KCNMB2: variants seen among roughly 807,000 people sequenced by gnomAD.
KCNMB2 encodes the protein calcium-activated potassium channel subunit beta-2.
In KCNMB2, 9 loss-of-function variants were observed where a neutral mutation model predicts 24.5. The ratio of observed to expected loss-of-function variants is 0.37; its 90% CI spans 0.22 to 0.64. The LOEUF is 0.64. Ranked by LOEUF, KCNMB2 falls within the 30% of genes least tolerant of loss-of-function variation. The pLI, the probability that KCNMB2 is intolerant of heterozygous loss-of-function variation, is 0.63. For synonymous variants in KCNMB2, 109 were observed against 104.4 expected (o/e 1.04, Z -0.27); for missense variants, 226 against 284.3 (o/e 0.79, Z 1.47).
chr3:178,629,009 T>A (rs1229773179), intron 1 of KCNMB2, among the ~76,000 whole-genome samples: 1 of 152,094 alleles, frequency 6.6e-6, no homozygotes, highest in Admixed American at 6.6e-5. Context: ...CTGAAGCAAA[T>A]TTAACTACTC....
chr3:178,713,955 T>C (rs1222300125), intron 1 of KCNMB2, among the ~76,000 whole-genome samples: 2 of 152,226 alleles, frequency 1.3e-5, no homozygotes, highest in Non-Finnish European at 2.9e-5. Flanking sequence ...AGTCTGCTCA[T>C]GTTTTTAAGA....
intron 2 of KCNMB2, among the ~76,000 whole-genome samples, chr3:178,817,925 T>C (rs1714472322): frequency 1.3e-5 from 2 of 152,228 alleles, no homozygotes; most frequent in South Asian, 2.1e-4. Context: ...ATGTGGTCTG[T>C]CTTTAACTCT....
chr3:178,778,455 GACACAC>G (rs71628070), intron 1 of KCNMB2, among the ~76,000 whole-genome samples: 15,329 of 127,210 alleles, frequency 0.12, 948 homozygotes, highest in Middle Eastern at 0.17. Flanking sequence ...TACCCTTTAA[GACACAC>G]ACACACACAC....
chr3:178,736,179 A>G (rs1436539001), intron 1 of KCNMB2, among the ~76,000 whole-genome samples: 2 of 152,180 alleles, frequency 1.3e-5, no homozygotes, highest in Non-Finnish European at 2.9e-5. Flanking sequence ...TTTACTTGAA[A>G]CTAGTATTTC....
chr3:178,784,967 T>C (rs1189519697), intron 1 of KCNMB2, among the ~76,000 whole-genome samples: 2 of 151,606 alleles, frequency 1.3e-5, no homozygotes, highest in African/African-American at 4.8e-5. Flanking sequence ...TGACAAATGC[T>C]AATATTCAAT....
chr3:178,737,824 G>T (rs6775409), intron 1 of KCNMB2, among the ~76,000 whole-genome samples: 4,199 of 152,268 alleles, frequency 0.028, 198 homozygotes, highest in African/African-American at 0.095. Context: ...GATTTGATTA[G>T]AACTTTTCTA....
chr3:178,675,472 C>G (rs1721040005), intron 1 of KCNMB2, among the ~76,000 whole-genome samples: 1 of 152,158 alleles, frequency 6.6e-6, no homozygotes, highest in African/African-American at 2.4e-5. Flanking sequence ...AGTGTCAGAA[C>G]TGCTGACACA....
At chr3:178,642,688 G>A (rs115377411) in intron 1 of KCNMB2, among the ~76,000 whole-genome samples, 48 of 152,304 alleles carry the variant, frequency 3.2e-4, no homozygotes, top group African/African-American at 1.2e-3. Context: ...TTGCTGGGGT[G>A]AAAATCTTGC....
intron 1 of KCNMB2, among the ~76,000 whole-genome samples, chr3:178,639,435 A>C (rs9847348): frequency 6.6e-6 from 1 of 152,074 alleles, no homozygotes; most frequent in Non-Finnish European, 1.5e-5. Context: ...GACAAGGATT[A>C]AATCCTTCCT....
intron 1 of KCNMB2, among the ~76,000 whole-genome samples, chr3:178,799,016 G>C (rs192444155): frequency 2.6e-5 from 4 of 151,190 alleles, no homozygotes; most frequent in Non-Finnish European, 5.9e-5. Context: ...ACTAGGCATA[G>C]AAGGAACATA....
At chr3:178,697,680 T>C (rs1257898839) in intron 1 of KCNMB2, among the ~76,000 whole-genome samples, 1 of 152,208 alleles carries the variant, frequency 6.6e-6, no homozygotes, top group East Asian at 1.9e-4. Context: ...CTTGTTTATG[T>C]GGTTGCTTTA....
chr3:178,551,287 T>A (rs888871247), intron 1 of KCNMB2, among the ~76,000 whole-genome samples: 1 of 152,214 alleles, frequency 6.6e-6, no homozygotes, highest in Non-Finnish European at 1.5e-5. Context: ...CACTCTAAAC[T>A]TATCTCCTAT....
At chr3:178,550,778 C>G (rs1715925744) in intron 1 of KCNMB2, among the ~76,000 whole-genome samples, 1 of 152,010 alleles carries the variant, frequency 6.6e-6, no homozygotes, top group South Asian at 2.1e-4. Context: ...CAGTTTCCTC[C>G]TCTGTAAAAT....
chr3:178,841,651 G>A (rs1301959715), intron 4 of KCNMB2: 1 of 152,174 alleles, frequency 6.6e-6, no homozygotes, highest in African/African-American at 2.4e-5. Flanking sequence ...GAGAACATGA[G>A]AGAAGAACTG....
At chr3:178,732,338 CA>C (rs1267967033) in intron 1 of KCNMB2, among the ~76,000 whole-genome samples, 1 of 152,126 alleles carries the variant, frequency 6.6e-6, no homozygotes, top group Non-Finnish European at 1.5e-5. Flanking sequence ...TTTGTAACCT[CA>C]AAATCAACAC....
intron 1 of KCNMB2, among the ~76,000 whole-genome samples, chr3:178,751,762 G>A (rs562633563): frequency 6.6e-6 from 1 of 152,332 alleles, no homozygotes; most frequent in South Asian, 2.1e-4. Flanking sequence ...ATCAATCCCT[G>A]AGACTGGATG....
At chr3:178,686,043 T>A (rs1037054915) in intron 1 of KCNMB2, among the ~76,000 whole-genome samples, 10 of 151,816 alleles carry the variant, frequency 6.6e-5, no homozygotes, top group South Asian at 4.2e-4. Context: ...ATTGTGTGTG[T>A]GTGAGAGAGA....
At chr3:178,722,560 T>G (rs1329044953) in intron 1 of KCNMB2, among the ~76,000 whole-genome samples, 10 of 152,118 alleles carry the variant, frequency 6.6e-5, no homozygotes. Context: ...ATTAATCTAT[T>G]CATGAGAATT....
intron 1 of KCNMB2, among the ~76,000 whole-genome samples, chr3:178,729,031 A>G (rs751579616): frequency 1.3e-5 from 2 of 152,166 alleles, no homozygotes; most frequent in Non-Finnish European, 2.9e-5. Flanking sequence ...TCCAGATGAA[A>G]TGTAAGATAA....
Sources: gnomAD v4.1 joint callset for allele counts (sites outside exome capture counted in the v4.1 genomes callset) on GRCh38, gnomAD v4.1.1 for gene constraint, MANE v1.5 for transcripts, NCBI Gene and HGNC (gene_info 2026-07-23, HGNC 2026-07-21) for gene names.